The following SUCO variants were observed in gnomAD, a reference collection of about 807,000 sequenced individuals.
The protein encoded by SUCO is SUN domain-containing ossification factor.
Under a neutral mutation model 148.1 loss-of-function variants are expected in SUCO, and 57 were observed. That is an observed-to-expected ratio of 0.38 (90% confidence interval 0.31 to 0.48). The LOEUF is 0.48. Ranked by LOEUF, SUCO falls within the 20% of genes least tolerant of loss-of-function variation. SUCO has a pLI of 0.96. For synonymous variants in SUCO, 470 were observed against 502.7 expected (o/e 0.93, Z 0.87); for missense variants, 1,331 against 1,468.2 (o/e 0.91, Z 1.53).
intron 17 of SUCO, chr1:172,588,417 G>A: frequency 1.6e-5 from 16 of 983,856 alleles, no homozygotes; most frequent in Non-Finnish European, 1.8e-5. Flanking sequence ...TAAAGATTCA[G>A]TGAATATTTA....
At chr1:172,576,060 C>CT (rs1039950634) in intron 11 of SUCO, among the ~76,000 whole-genome samples, 1 of 151,690 alleles carries the variant, frequency 6.6e-6, no homozygotes, top group Non-Finnish European at 1.5e-5. Context: ...TTGTCTTTTT[C>CT]TTTGTATAGC....
chr1:172,556,628 A>G (rs546478637), intron 4 of SUCO: 1 of 984,904 alleles, frequency 1.0e-6, no homozygotes, highest in East Asian at 1.1e-4. Context: ...TAACTGGTAC[A>G]TAACTCAAGA....
rs761561709 is a variant in SUCO at position 172,602,673 on chromosome 1, A to G, written c.3174-23A>G. 2.5e-6 allele frequency: 4 copies of G among 1,607,366 alleles called. No homozygotes were observed. In the African/African-American group the frequency reaches 4.0e-5, roughly 16 times the overall value. Reference sequence around the variant, plus strand: ...ATGTGCTTTACTCGTTGTAACCAATATGTATTTTTCCTAATGTGTTAGGTG... The same window carrying G: ...ATGTGCTTTACTCGTTGTAACCAATGTGTATTTTTCCTAATGTGTTAGGTG... On this transcript the variant is annotated intron_variant, in intron 21 of 23. Coordinates refer to ENST00000263688, the MANE Select transcript of SUCO (RefSeq NM_014283.5).
rs1277249538 is a variant in SUCO, at chr1:172,573,895, G to A, written c.1054G>A (p.Val352Ile). ...LNPCSTKIWFVIELCEPIQVK... is the reference protein window; with the variant it reads ...LNPCSTKIWFIIELCEPIQVK... ...TGTCTTTTGTTCTTTTTGAAGGTTT[G>A]TTATTGAACTTTGTGAACCAATTCA... is the stretch of plus-strand genomic sequence containing the variant. Residue 352 changes from valine to isoleucine, a missense_variant, in exon 10 of 24, where the codon GTT (valine) becomes ATT (isoleucine). Around this residue, in one of 3 missense-constraint regions of SUCO, gnomAD observed 992 missense variants for 1,093.5 expected, o/e 0.91. Coordinates refer to ENST00000263688, the MANE Select transcript of SUCO (RefSeq NM_014283.5). The A allele has an allele frequency of 1.3e-6, 2 of 1,555,304 alleles. No individual in the cohort carries two copies. The highest frequency in any genetic ancestry group is 1.8e-6 in the Non-Finnish European group (2 of 1,131,792).
intron 11 of SUCO, among the ~76,000 whole-genome samples, chr1:172,576,432 C>T (rs1431955005): frequency 6.6e-6 from 1 of 151,544 alleles, no homozygotes; most frequent in East Asian, 1.9e-4. Context: ...AATAGGTAAA[C>T]TTGTAGTATT....
chr1:172,556,381 T>C (rs1480357963), intron 4 of SUCO, among the ~76,000 whole-genome samples: 1 of 152,236 alleles, frequency 6.6e-6, no homozygotes, highest in East Asian at 1.9e-4. Context: ...CCATTAAGTA[T>C]CACTGTCATT....
intron 17 of SUCO, chr1:172,588,507 GT>G (rs1242895391): frequency 1.3e-5 from 13 of 984,902 alleles, no homozygotes; most frequent in Non-Finnish European, 1.6e-5. Flanking sequence ...AAGAAAGCAA[GT>G]TTGATATGGT....
Position 172,589,862 on chromosome 1 carries a change from C to A in SUCO, c.2761C>A (p.Arg921Ser). Residue 921 changes from arginine to serine, a missense_variant, in exon 18 of 24, where the codon CGT (arginine) becomes AGT (serine). This residue lies in a region of SUCO where 992 missense variants were observed against 1,093.5 expected (regional missense o/e 0.91). Coordinates refer to ENST00000263688, the MANE Select transcript of SUCO (RefSeq NM_014283.5). ...KESVFMRLNN[R>S]IKALEVNMSL... ...GTCAGTATTTATGAGACTTAATAAT[C>A]GTATTAAAGCCTTAGAAGTTAACAT... 6.3e-7 allele frequency: 1 copy of A among 1,580,746 alleles called. No homozygotes were observed. The highest frequency in any genetic ancestry group is 1.2e-5 in the South Asian group (1 of 86,272).
chr1:172,573,402 T>TC (rs936843174), intron 9 of SUCO, among the ~76,000 whole-genome samples: 104 of 152,094 alleles, frequency 6.8e-4, no homozygotes, highest in African/African-American at 2.2e-3. Flanking sequence ...TAACTTGATT[T>TC]CCCCCCCTGC....
rs771704327 is a variant in SUCO at position 172,557,392 on chromosome 1, C to T, written c.556C>T (p.Pro186Ser). Residue 186 changes from proline to serine, a missense_variant, in exon 5 of 24, where the codon CCT becomes TCT. Pro to Ser is a moderately conservative substitution (Grantham distance 74). Around this residue, in one of 3 missense-constraint regions of SUCO, gnomAD observed 992 missense variants for 1,093.5 expected, o/e 0.91. Transcript: ENST00000263688. ...TGATGCTAGTGCTCCAATTGAACAA[C>T]CTTCCTTTGTCAGTCCACCTGACAG... Reference protein sequence around the residue: ...ALDASAPIEQPSFVSPPDSLV... With the variant: ...ALDASAPIEQSSFVSPPDSLV... The T allele has an allele frequency of 1.9e-6, 3 of 1,613,994 alleles. No homozygotes were observed. In the Admixed American group the frequency reaches 5.0e-5, roughly 27 times the overall value.
At chr1:172,567,498 T>G (rs1654638629) in intron 6 of SUCO, among the ~76,000 whole-genome samples, 1 of 152,140 alleles carries the variant, frequency 6.6e-6, no homozygotes, top group African/African-American at 2.4e-5. Flanking sequence ...AAATAATATA[T>G]ATTATATGGC....
At chr1:172,571,002 G>C (rs556655287) in intron 9 of SUCO, among the ~76,000 whole-genome samples, 3 of 152,332 alleles carry the variant, frequency 2.0e-5, no homozygotes, top group Non-Finnish European at 4.4e-5. Context: ...ATGCGTAACT[G>C]CAAGAGGAGA....
intron 4 of SUCO, chr1:172,556,773 T>C (rs565005399): frequency 1.0e-6 from 1 of 969,736 alleles, no homozygotes. Flanking sequence ...TTTAAATGAT[T>C]CAGAAGGAAT....
chr1:172,545,894 G>T (rs1652816001), intron 1 of SUCO, among the ~76,000 whole-genome samples: 1 of 149,202 alleles, frequency 6.7e-6, no homozygotes, highest in Admixed American at 6.7e-5. Flanking sequence ...CCGTCCTTCT[G>T]TCCGTCCGTC....
chr1:172,556,862 G>A, intron 4 of SUCO: 1 of 847,924 alleles, frequency 1.2e-6, no homozygotes, highest in East Asian at 1.2e-4. Flanking sequence ...ATGAAATGGA[G>A]GTGAGGCAGG....
At chr1:172,556,052 A>G in intron 4 of SUCO, 29 bp downstream of exon 4, 1 of 1,563,690 alleles carries the variant, frequency 6.4e-7, no homozygotes, top group Non-Finnish European at 8.8e-7. Flanking sequence ...CAAACACAAA[A>G]AAGAATCTCC....
At chr1:172,557,527 A>G in intron 5 of SUCO, 110 bp downstream of exon 5, 2 of 1,500,192 alleles carry the variant, frequency 1.3e-6, no homozygotes, top group African/African-American at 1.4e-5. Context: ...GAGAAAGCTG[A>G]TCTCTTTGTG....
At chr1:172,607,700 C>G (rs542067814) in intron 22 of SUCO, among the ~76,000 whole-genome samples, 1 of 151,680 alleles carries the variant, frequency 6.6e-6, no homozygotes, top group East Asian at 1.9e-4. Flanking sequence ...TACTTAGTTG[C>G]TTTCATTGTA....
At chr1:172,568,219 A>G in intron 6 of SUCO, 1 of 776,894 alleles carries the variant, frequency 1.3e-6, no homozygotes, top group Non-Finnish European at 1.6e-6. Context: ...ACTGATTTAT[A>G]TGATATCTCA....
Sources: allele counts gnomAD v4.1 joint callset (sites outside exome capture counted in the v4.1 genomes callset), GRCh38; gene constraint gnomAD v4.1.1; regional missense constraint gnomAD v4.1.1; transcripts MANE v1.5; gene names NCBI Gene and HGNC (gene_info 2026-07-23, HGNC 2026-07-21).